Variants in COL4A1 observed in about 807,000 individuals in gnomAD.
COL4A1 encodes collagen type IV alpha 1 chain, also known as collagen alpha-1(IV) chain.
In COL4A1, 40 loss-of-function variants were observed where a neutral mutation model predicts 216.6. The observed-to-expected ratio is 0.18, with a 90% CI of 0.14 to 0.24. The LOEUF is 0.24. Among genes scored for constraint, COL4A1 ranks in the 10% least tolerant of loss-of-function variants. The pLI is 1.00. For synonymous variants in COL4A1, 839 were observed against 810.7 expected (o/e 1.03, Z -0.59); for missense variants, 1,628 against 2,196.8 (o/e 0.74, Z 5.18).
chr13:110,187,388 G>T, intron 24 of COL4A1, 59 bp from the exon 25 acceptor site: 1 of 1,584,996 alleles, frequency 6.3e-7, no homozygotes, highest in South Asian at 1.1e-5. Flanking sequence ...ACACCAGTGT[G>T]ACTGTAACAC....
chr13:110,201,670 G>A (rs778965631), intron 18 of COL4A1, 148 bp from the exon 19 acceptor site: 1 of 816,400 alleles, frequency 1.2e-6, no homozygotes, highest in South Asian at 1.3e-5. Flanking sequence ...CGGACAAGGA[G>A]GAAGGGGATA....
chr13:110,259,403 TA>T (rs35442080), intron 1 of COL4A1, among the ~76,000 whole-genome samples: 29 of 152,220 alleles, frequency 1.9e-4, no homozygotes, highest in Admixed American at 1.2e-3. Flanking sequence ...CAATACTACT[TA>T]AAAAAAATTT....
At chr13:110,261,363 G>A (rs1882818492) in intron 1 of COL4A1, among the ~76,000 whole-genome samples, 1 of 152,220 alleles carries the variant, frequency 6.6e-6, no homozygotes, top group Non-Finnish European at 1.5e-5. Context: ...AACATTTGAA[G>A]TTGCTTCCTT....
chr13:110,283,238 G>C (rs764434639), intron 1 of COL4A1, among the ~76,000 whole-genome samples: 11 of 152,252 alleles, frequency 7.2e-5, no homozygotes, highest in Non-Finnish European at 1.6e-4. Flanking sequence ...CATCGAATCA[G>C]AGATTTCAGG....
chr13:110,281,446 A>G (rs1346994701), intron 1 of COL4A1, among the ~76,000 whole-genome samples: 2 of 152,216 alleles, frequency 1.3e-5, no homozygotes, highest in Non-Finnish European at 2.9e-5. Context: ...GCCATAAGCC[A>G]AAAACAGCCA....
chr13:110,232,566 G>T (rs1881111190), intron 2 of COL4A1, among the ~76,000 whole-genome samples: 1 of 152,050 alleles, frequency 6.6e-6, no homozygotes, highest in Non-Finnish European at 1.5e-5. Flanking sequence ...CTCTCATTTT[G>T]CTCCCCTGAA....
intron 1 of COL4A1, among the ~76,000 whole-genome samples, chr13:110,294,717 C>T (rs185863587): frequency 3.3e-5 from 5 of 152,310 alleles, no homozygotes; most frequent in Admixed American, 3.3e-4. Flanking sequence ...TGAACCATCC[C>T]TAAAATAGCA....
chr13:110,234,773 C>T (rs1881229674), intron 2 of COL4A1, among the ~76,000 whole-genome samples: 1 of 152,166 alleles, frequency 6.6e-6, no homozygotes, highest in Non-Finnish European at 1.5e-5. Flanking sequence ...GGAACCTCTT[C>T]CCGTTTCCAT....
intron 35 of COL4A1, 25 bp from the exon 36 acceptor site, chr13:110,176,538 G>A: frequency 1.2e-6 from 2 of 1,600,580 alleles, no homozygotes; most frequent in Non-Finnish European, 1.7e-6. Context: ...AAAGCAGTCT[G>A]ACAGGTTGAC....
intron 11 of COL4A1, 45 bp downstream of exon 11, chr13:110,209,347 G>A (rs1411574397): frequency 6.4e-7 from 1 of 1,572,946 alleles, no homozygotes; most frequent in African/African-American, 1.4e-5. Flanking sequence ...TTTCATGATA[G>A]CCTTATACTA....
intron 1 of COL4A1, among the ~76,000 whole-genome samples, chr13:110,277,101 C>T (rs371024019): frequency 1.2e-4 from 18 of 152,234 alleles, no homozygotes; most frequent in East Asian, 9.7e-4. Context: ...ATGTATAGTA[C>T]GTTAATCGAG....
chr13:110,234,025 C>T (rs182785068), intron 2 of COL4A1, among the ~76,000 whole-genome samples: 1 of 152,352 alleles, frequency 6.6e-6, no homozygotes, highest in East Asian at 1.9e-4. Flanking sequence ...TTTCCTCACA[C>T]TTATTGCAAC....
chr13:110,290,032 C>T (rs34171526), intron 1 of COL4A1, among the ~76,000 whole-genome samples: 1 of 151,998 alleles, frequency 6.6e-6, no homozygotes, highest in East Asian at 1.9e-4. Context: ...AGGATGCTGC[C>T]GGGGGGCACA....
intron 1 of COL4A1, among the ~76,000 whole-genome samples, chr13:110,305,350 C>T (rs1261893237): frequency 6.6e-6 from 1 of 152,206 alleles, no homozygotes; most frequent in Non-Finnish European, 1.5e-5. Flanking sequence ...CGGGTGAGAA[C>T]AGGATTTGCG....
intron 1 of COL4A1, among the ~76,000 whole-genome samples, chr13:110,299,397 C>T (rs751679532): frequency 2.0e-5 from 3 of 152,228 alleles, no homozygotes; most frequent in Non-Finnish European, 4.4e-5. Flanking sequence ...TTGTGTGGGC[C>T]CTTCCAGCCC....
intron 1 of COL4A1, among the ~76,000 whole-genome samples, chr13:110,291,698 G>T (rs536907015): frequency 5.9e-5 from 9 of 152,324 alleles, no homozygotes; most frequent in Non-Finnish European, 1.3e-4. Context: ...CCTCTCCTGT[G>T]ACCAGACCCG....
chr13:110,248,940 C>T (rs1881956248), intron 1 of COL4A1, among the ~76,000 whole-genome samples: 1 of 152,120 alleles, frequency 6.6e-6, no homozygotes, highest in East Asian at 1.9e-4. Flanking sequence ...AATGGACTTT[C>T]TAGCTTCTGT....
At chr13:110,174,207 AC>A (rs1187139355) in intron 39 of COL4A1, among the ~76,000 whole-genome samples, 6 of 152,160 alleles carry the variant, frequency 3.9e-5, no homozygotes, top group African/African-American at 1.2e-4. Flanking sequence ...AAAGCTGGTG[AC>A]AAAAACTCCA....
intron 2 of COL4A1, among the ~76,000 whole-genome samples, chr13:110,225,587 AT>A (rs1439682988): frequency 6.6e-6 from 1 of 151,722 alleles, no homozygotes; most frequent in Admixed American, 6.6e-5. Flanking sequence ...ATCTCAAAAA[AT>A]AAATAAATAA....
Sources: gnomAD v4.1 joint callset for allele counts (sites outside exome capture counted in the v4.1 genomes callset) on GRCh38, gnomAD v4.1.1 for gene constraint, MANE v1.5 for transcripts, NCBI Gene and HGNC (gene_info 2026-07-23, HGNC 2026-07-21) for gene names.